CDK17: variants seen among roughly 807,000 people sequenced by gnomAD.
CDK17 encodes the protein cyclin dependent kinase 17.
CDK17 carries 24 observed loss-of-function variants against 77.6 expected under a neutral mutation model. The observed-to-expected ratio is 0.31, with a 90% CI of 0.22 to 0.44. The LOEUF is 0.44. CDK17 is among the 20% of genes least tolerant of loss of function. The pLI is 1.00. For missense variants in CDK17, 429 were observed against 622.5 expected (o/e 0.69, Z 3.31); for synonymous variants, 203 against 210.4 (o/e 0.96, Z 0.30).
At position 96,280,132 on chromosome 12, in the gene CDK17, T is replaced by G. The variant is rs1952156641; in HGVS notation, c.*110A>C. 9.2e-7 allele frequency: 1 copy of G among 1,086,360 alleles called. No homozygotes were observed. The highest frequency in any genetic ancestry group is 2.6e-5 in the Admixed American group (1 of 38,966). The allele number at this position is 1,086,360 out of a possible 1,614,324, so 67.3% of individuals were successfully genotyped here. The stretch of plus-strand genomic sequence containing the variant: ...AAAGACTCCACTGTGAAGAGGACAG[T>G]GTAGACAAACGGAGATTCCAAGTCC... On this transcript the variant is annotated 3_prime_UTR_variant, in exon 17 of 17. Transcript: ENST00000261211.
intron 2 of CDK17, among the ~76,000 whole-genome samples, chr12:96,332,514 T>C (rs987819713): frequency 6.6e-6 from 1 of 152,214 alleles, no homozygotes; most frequent in Non-Finnish European, 1.5e-5. Context: ...TACTCTAAAA[T>C]ATGTTCCACA....
intron 4 of CDK17, among the ~76,000 whole-genome samples, chr12:96,312,253 G>C (rs768486786): frequency 3.3e-5 from 5 of 151,988 alleles, no homozygotes; most frequent in Non-Finnish European, 5.9e-5. Context: ...CTCCAGTCTG[G>C]GTGACAGAGT....
intron 3 of CDK17, among the ~76,000 whole-genome samples, chr12:96,315,358 G>C (rs544096265): frequency 3.2e-4 from 49 of 152,292 alleles, no homozygotes; most frequent in Admixed American, 1.2e-3. Flanking sequence ...ATAAGCAGTT[G>C]CAAATGGTAA....
intron 3 of CDK17, 50 bp downstream of exon 3, chr12:96,323,898 C>A: frequency 7.4e-7 from 1 of 1,350,908 alleles, no homozygotes; most frequent in South Asian, 1.7e-5. Context: ...TAACTATGTG[C>A]ATGACGTATA....
intron 1 of CDK17, among the ~76,000 whole-genome samples, chr12:96,359,127 T>TA (rs1953455800): frequency 1.3e-5 from 2 of 152,086 alleles, no homozygotes; most frequent in African/African-American, 4.8e-5. Context: ...CCAACGTATC[T>TA]AATACCTGCT....
At chr12:96,336,102 G>C (rs112382040) in intron 1 of CDK17, among the ~76,000 whole-genome samples, 1 of 152,062 alleles carries the variant, frequency 6.6e-6, no homozygotes. Flanking sequence ...TAAAAGCTGG[G>C]GGGGGAGGTA....
intron 2 of CDK17, among the ~76,000 whole-genome samples, chr12:96,325,448 A>T (rs1427239192): frequency 6.6e-6 from 1 of 152,226 alleles, no homozygotes; most frequent in Non-Finnish European, 1.5e-5. Flanking sequence ...CCTTAAAGTG[A>T]AAGGCTTCTC....
At chr12:96,290,887 T>C (rs930878575) in intron 10 of CDK17, among the ~76,000 whole-genome samples, 2 of 152,174 alleles carry the variant, frequency 1.3e-5, no homozygotes. Flanking sequence ...CTGGTTGGAA[T>C]GAAATGAAAC....
At chr12:96,363,355 G>A (rs1953526708) in intron 1 of CDK17, among the ~76,000 whole-genome samples, 1 of 151,366 alleles carries the variant, frequency 6.6e-6, no homozygotes, top group Non-Finnish European at 1.5e-5. Context: ...GGAGGCTGAG[G>A]CAGGAGAATT....
intron 1 of CDK17, among the ~76,000 whole-genome samples, chr12:96,340,072 T>C (rs774164255): frequency 1.5e-4 from 23 of 152,098 alleles, no homozygotes; most frequent in Non-Finnish European, 2.9e-4. Context: ...GGGGTGCACA[T>C]TACATTTCTA....
intron 3 of CDK17, among the ~76,000 whole-genome samples, chr12:96,323,281 A>C (rs550638344): frequency 8.3e-4 from 122 of 147,140 alleles, no homozygotes; most frequent in Non-Finnish European, 7.4e-4. Flanking sequence ...AAAAAAAAAA[A>C]AAACAAAAAC....
At position 96,300,293 on chromosome 12, in the gene CDK17, T is replaced by C; in HGVS notation, c.600+11A>G. The C allele has an allele frequency of 1.3e-6, 2 of 1,558,970 alleles. No homozygotes were observed. The highest frequency in any genetic ancestry group is 1.8e-6 in the Non-Finnish European group (2 of 1,140,668). Reference sequence around the variant, plus strand: ...AAAAATGTGTCTTACATTTTTGAGATATTTACTTACCTCTCCAAGCTTTTC... The same window carrying C: ...AAAAATGTGTCTTACATTTTTGAGACATTTACTTACCTCTCCAAGCTTTTC... On this transcript the variant is annotated intron_variant, in intron 6 of 16. Transcript: ENST00000261211.
chr12:96,324,462 G>A (rs150050826), intron 2 of CDK17, among the ~76,000 whole-genome samples: 74 of 152,110 alleles, frequency 4.9e-4, no homozygotes, highest in Admixed American at 1.6e-3. Flanking sequence ...TTGACTACCT[G>A]TGTGCCTTAT....
chr12:96,372,105 A>C (rs746456519), intron 1 of CDK17, among the ~76,000 whole-genome samples: 10 of 152,162 alleles, frequency 6.6e-5, no homozygotes, highest in Non-Finnish European at 1.0e-4. Context: ...TCTGTAATTT[A>C]TGACAATAAT....
chr12:96,302,700 GA>G, intron 5 of CDK17, among the ~76,000 whole-genome samples: 1 of 152,214 alleles, frequency 6.6e-6, no homozygotes, highest in East Asian at 1.9e-4. Flanking sequence ...TTAAATGAAT[GA>G]ATACTACTAT....
At chr12:96,283,694 A>G in intron 13 of CDK17, 49 bp from the exon 14 acceptor site, 1 of 1,233,750 alleles carries the variant, frequency 8.1e-7, no homozygotes, top group East Asian at 2.3e-5. Context: ...TTAGCTGATA[A>G]AACTTTTCAG....
chr12:96,299,918 G>A (rs1172261082), intron 6 of CDK17, among the ~76,000 whole-genome samples: 1 of 152,042 alleles, frequency 6.6e-6, no homozygotes, highest in Non-Finnish European at 1.5e-5. Context: ...AAGAATTTCC[G>A]TAACCTTCAA....
In CDK17 at chr12:96,340,200, G is replaced by C. The variant is rs114030024; in HGVS notation, c.-29-5335C>G. On this transcript the variant is annotated intron_variant, in intron 1 of 16. Transcript: ENST00000261211. ...AACCTTTTCTTCATATAGTGCATTTGAACAATGTATCAGGGGACATTCTAT... is the reference window on the plus strand; with the variant it reads ...AACCTTTTCTTCATATAGTGCATTTCAACAATGTATCAGGGGACATTCTAT... Among the ~76,000 whole-genome samples the C allele has an allele frequency of 3.1e-3, 476 of 152,060 alleles. 2 individuals carry two copies. Among genetic ancestry groups the C allele is most frequent in the African/African-American group, 0.01 (422 of 41,472 alleles).
intron 9 of CDK17, among the ~76,000 whole-genome samples, chr12:96,295,660 C>T (rs1421637235): frequency 6.6e-6 from 1 of 152,144 alleles, no homozygotes; most frequent in African/African-American, 2.4e-5. Context: ...TGGCAAATTA[C>T]TTACTATAAA....
Sources: gnomAD v4.1 joint callset for allele counts (sites outside exome capture counted in the v4.1 genomes callset) on GRCh38, gnomAD v4.1.1 for gene constraint, MANE v1.5 for transcripts, NCBI Gene and HGNC (gene_info 2026-07-23, HGNC 2026-07-21) for gene names.